Variants in PPAT observed in about 807,000 individuals in gnomAD.
The protein encoded by PPAT is phosphoribosyl pyrophosphate amidotransferase, also known as amidophosphoribosyltransferase.
PPAT carries 20 observed loss-of-function variants against 60.2 expected under a neutral mutation model. The observed-to-expected ratio is 0.33, with a 90% CI of 0.23 to 0.48. The LOEUF (loss-of-function observed/expected upper bound fraction) is 0.48. Among genes scored for constraint, PPAT ranks in the 20% least tolerant of loss-of-function variants. The pLI is 0.99. For missense variants in PPAT, 349 were observed against 629.6 expected (o/e 0.55, Z 4.77); for synonymous variants, 194 against 215.1 (o/e 0.90, Z 0.86).
chr4:56,400,653 A>T, intron 8 of PPAT, 131 bp downstream of exon 8: 1 of 1,049,322 alleles, frequency 9.5e-7, no homozygotes, highest in Non-Finnish European at 1.3e-6. Flanking sequence ...AAACGCTTGT[A>T]AACAAACCAA....
intron 1 of PPAT, among the ~76,000 whole-genome samples, chr4:56,434,288 G>A (rs1236098855): frequency 6.6e-6 from 1 of 152,154 alleles, no homozygotes; most frequent in Non-Finnish European, 1.5e-5. Context: ...ATTTAAGTTT[G>A]GTGGAGGAAA....
At chr4:56,420,854 C>T (rs2110057996) in intron 1 of PPAT, 1 of 152,296 alleles carries the variant, frequency 6.6e-6, no homozygotes, top group Non-Finnish European at 1.5e-5. Flanking sequence ...CACACTAAGA[C>T]ATGATAGCAT....
At chr4:56,422,200 G>C (rs974662001) in intron 1 of PPAT, 8 of 152,154 alleles carry the variant, frequency 5.3e-5, no homozygotes, top group Non-Finnish European at 1.0e-4. Context: ...TTGGAACCTG[G>C]GAGGCAGAGG....
intron 6 of PPAT, 100 bp from the exon 7 acceptor site, chr4:56,401,581 G>T: frequency 9.6e-7 from 1 of 1,042,890 alleles, no homozygotes; most frequent in Non-Finnish European, 1.4e-6. Flanking sequence ...TTCCCTTAGA[G>T]AAACAATTGA....
At chr4:56,408,145 A>G (rs772320950) in intron 1 of PPAT, 1 of 156,992 alleles carries the variant, frequency 6.4e-6, no homozygotes, top group Non-Finnish European at 1.4e-5. Context: ...GAATTAAAAG[A>G]CATCAGAGAC....
chr4:56,432,278 A>C (rs1717625313), intron 1 of PPAT, among the ~76,000 whole-genome samples: 1 of 152,152 alleles, frequency 6.6e-6, no homozygotes, highest in African/African-American at 2.4e-5. Context: ...CTGTAATCTC[A>C]GCACTTTGGG....
Position 56,402,183 on chromosome 4 carries a change from T to C in PPAT, c.662-2A>G. On this transcript the variant is annotated splice_acceptor_variant, in intron 5 of 10. Transcript: ENST00000264220. LOFTEE classifies it high-confidence loss of function. ...CTTCTGTTTCTGATGTTTTTTTCTC[T>C]GTAAATCACAAATCAATTCAATTAA... The C allele has an allele frequency of 6.3e-7, 1 of 1,599,390 alleles. No individual in the cohort carries two copies. Among genetic ancestry groups the C allele is most frequent in the Non-Finnish European group, 8.6e-7 (1 of 1,168,166 alleles).
At chr4:56,408,267 T>A (rs1716297292) in intron 1 of PPAT, 1 of 152,552 alleles carries the variant, frequency 6.6e-6, no homozygotes, top group South Asian at 2.1e-4. Context: ...AAACCCTGTC[T>A]CTACTAAAAA....
intron 3 of PPAT, among the ~76,000 whole-genome samples, chr4:56,403,705 C>T (rs1395890920): frequency 3.3e-5 from 5 of 152,102 alleles, no homozygotes; most frequent in African/African-American, 1.2e-4. Flanking sequence ...ATACAACTCA[C>T]CATAATCTAG....
intron 1 of PPAT, among the ~76,000 whole-genome samples, chr4:56,418,660 C>G (rs1173867641): frequency 6.6e-6 from 1 of 151,956 alleles, no homozygotes; most frequent in Admixed American, 6.6e-5. Flanking sequence ...AATTTGAAAC[C>G]CTGTCTCAAA....
At chr4:56,410,020 C>A (rs1366255505) in intron 1 of PPAT, among the ~76,000 whole-genome samples, 1 of 151,988 alleles carries the variant, frequency 6.6e-6, no homozygotes, top group Non-Finnish European at 1.5e-5. Flanking sequence ...ATACTATATA[C>A]CATATGGGAC....
chr4:56,396,467 C>G lies in PPAT; in HGVS notation c.1357+152G>C. 1 of 719,672 alleles carries G rather than the reference C, an allele frequency of 1.4e-6. No homozygotes were observed. The highest frequency in any genetic ancestry group is 2.1e-6 in the Non-Finnish European group (1 of 475,092). 44.6% of individuals were successfully genotyped at this position (719,672 alleles called of 1,614,324 possible). A position where few individuals can be genotyped will look rare whatever the true frequency, so the allele number is the denominator to read the frequency against. On this transcript the variant is annotated intron_variant, in intron 10 of 10. Coordinates refer to ENST00000264220, the MANE Select transcript of PPAT (RefSeq NM_002703.5). The surrounding 1 kb of genome is among the most constrained non-coding windows in gnomAD (Gnocchi z 4.6). ...GTGGTGTCTGCCCATGCCCACTACT[C>G]TCACTGTTGAGAATAGTATTCAATA...
rs185690700 is a variant in PPAT at position 56,397,770 on chromosome 4, G to C, written c.1237-1031C>G. On this transcript the variant is annotated intron_variant, in intron 9 of 10. Coordinates refer to ENST00000264220, the MANE Select transcript of PPAT (RefSeq NM_002703.5). ...CAAGACATAAAGTGAGGCCGGGTAT[G>C]GTGGCTCACACCTGTAATCAAGCAC... Among the ~76,000 whole-genome samples, 162 of 152,224 alleles carry C rather than the reference G, an allele frequency of 1.1e-3. 1 individual carries two copies. The highest frequency in any genetic ancestry group is 2.9e-3 in the African/African-American group (122 of 41,534).
chr4:56,426,537 A>C (rs910483198), intron 1 of PPAT, among the ~76,000 whole-genome samples: 1 of 152,210 alleles, frequency 6.6e-6, no homozygotes, highest in Non-Finnish European at 1.5e-5. Flanking sequence ...GGTACCCTCC[A>C]ATATACATTT....
At chr4:56,417,842 G>T (rs111421957) in intron 1 of PPAT, among the ~76,000 whole-genome samples, 2,738 of 135,592 alleles carry the variant, frequency 0.02, 103 homozygotes, top group African/African-American at 0.069. Context: ...TTGGTTTTTT[G>T]TTTTTTTTTT....
chr4:56,423,704 T>C (rs1204249019), intron 1 of PPAT, among the ~76,000 whole-genome samples: 3 of 152,062 alleles, frequency 2.0e-5, no homozygotes, highest in South Asian at 4.1e-4. Flanking sequence ...TATGAAATAT[T>C]TGGAATATAT....
Position 56,394,051 on chromosome 4 carries a change from A to T in PPAT, c.*1301T>A, listed in dbSNP as rs1203765798. On this transcript the variant is annotated 3_prime_UTR_variant, in exon 11 of 11. Coordinates refer to ENST00000264220, the MANE Select transcript of PPAT (RefSeq NM_002703.5). ...TTCTAAATGGATCTGGACACTATAT[A>T]CATCAAATTATGGTAACATAACAGA... 1.3e-5 allele frequency: 2 copies of T among 152,242 alleles called. No homozygotes were observed. Among genetic ancestry groups the T allele is most frequent in the African/African-American group, 4.8e-5 (2 of 41,462 alleles). 9.4% of individuals were successfully genotyped at this position (152,242 alleles called of 1,614,324 possible).
chr4:56,414,532 C>G (rs115435263), intron 1 of PPAT, among the ~76,000 whole-genome samples: 3,805 of 152,272 alleles, frequency 0.025, 80 homozygotes, highest in Non-Finnish European at 0.033. Flanking sequence ...ACAAATGTAT[C>G]GCAAGTAATG....
At chr4:56,419,603 A>G in intron 1 of PPAT, 10 of 899,520 alleles carry the variant, frequency 1.1e-5, no homozygotes, top group Non-Finnish European at 1.3e-5. Flanking sequence ...TTACCTCTCT[A>G]CCTAATGCAG....
Sources: allele counts gnomAD v4.1 joint callset (sites outside exome capture counted in the v4.1 genomes callset), GRCh38; gene constraint gnomAD v4.1.1; non-coding constraint Gnocchi (gnomAD v3.1); transcripts MANE v1.5; gene names NCBI Gene and HGNC (gene_info 2026-07-23, HGNC 2026-07-21).